The following SEC14L5 variants were observed in gnomAD, a reference collection of about 807,000 sequenced individuals.
SEC14L5 encodes SEC14 like lipid binding 5.
SEC14L5 carries 96 observed loss-of-function variants against 84.6 expected under a neutral mutation model. That is an observed-to-expected ratio of 1.13 (90% CI 0.96 to 1.34). SEC14L5 has a LOEUF of 1.34. Among genes scored for constraint, SEC14L5 ranks in the 40% most tolerant of loss-of-function variants. The pLI is 0.00. For missense variants in SEC14L5, 1,224 were observed against 942.5 expected (o/e 1.30, Z -3.91); for synonymous variants, 546 against 383.4 (o/e 1.42, Z -4.95).
intron 2 of SEC14L5, among the ~76,000 whole-genome samples, chr16:4,982,090 T>A (rs1479346548): frequency 6.6e-6 from 1 of 152,022 alleles, no homozygotes; most frequent in Non-Finnish European, 1.5e-5. Flanking sequence ...GCAACTGACA[T>A]GGAGATATGG....
chr16:4,960,642 T>C (rs1596609234), intron 2 of SEC14L5: 1 of 152,176 alleles, frequency 6.6e-6, no homozygotes, highest in Non-Finnish European at 1.5e-5. Flanking sequence ...AGCTCCCCAA[T>C]TGACGAGCTG....
At chr16:4,959,721 T>G (rs1054283241) in intron 2 of SEC14L5, among the ~76,000 whole-genome samples, 4 of 152,172 alleles carry the variant, frequency 2.6e-5, no homozygotes, top group African/African-American at 7.2e-5. Flanking sequence ...ATAAATGGAA[T>G]GGTGGTGATA....
rs1955866433 is a variant in SEC14L5 at position 5,015,526 on chromosome 16, G to A, written c.*556G>A. 6.5e-6 allele frequency: 1 copy of A among 154,446 alleles called. No homozygotes were observed. Among genetic ancestry groups the A allele is most frequent in the Non-Finnish European group, 1.4e-5 (1 of 69,322 alleles). The allele number at this position is 154,446 out of a possible 1,614,324, so 9.6% of individuals were successfully genotyped here. A position where few individuals can be genotyped will look rare whatever the true frequency, so the allele number is the denominator to read the frequency against. ...GGCCAGCAGGGTCATGCCCAATCTGGACCAATCACCGTGATCCAGGGTTGC... is the reference window on the plus strand; with the variant it reads ...GGCCAGCAGGGTCATGCCCAATCTGAACCAATCACCGTGATCCAGGGTTGC... On this transcript the variant is annotated 3_prime_UTR_variant, in exon 16 of 16. Coordinates refer to ENST00000251170, the MANE Select transcript of SEC14L5 (RefSeq NM_014692.2).
In SEC14L5 at chr16:4,978,802, C is replaced by T. The variant is rs184643328; in HGVS notation, c.64-8755C>T. Among the ~76,000 whole-genome samples, 5 of 152,220 alleles carry T rather than the reference C, an allele frequency of 3.3e-5. No homozygotes were observed. The East Asian group carries it at 7.8e-4, about 24-fold the overall frequency. On this transcript the variant is annotated intron_variant, in intron 2 of 15. Transcript: ENST00000251170. ...TATTTTTAGTAGAGACGGGTTTCAC[C>T]GCGTTAGCCAGGATGGTCTCGATCG...
At chr16:4,981,403 C>T (rs1026493871) in intron 2 of SEC14L5, among the ~76,000 whole-genome samples, 3 of 151,794 alleles carry the variant, frequency 2.0e-5, no homozygotes, top group Admixed American at 6.6e-5. Flanking sequence ...TGAGCCACCG[C>T]GCCTGGTCTC....
Position 4,996,348 on chromosome 16 carries a change from G to C in SEC14L5, c.668G>C (p.Gly223Ala). The C allele has an allele frequency of 2.6e-6, 4 of 1,545,434 alleles. No individual in the cohort carries two copies. The highest frequency in any genetic ancestry group is 3.5e-6 in the Non-Finnish European group (4 of 1,140,686). Residue 223 changes from glycine to alanine, a missense_variant and splice_region_variant, in exon 7 of 16, where the codon GGG becomes GCG. Physicochemically the swap from Gly to Ala is moderately conservative, Grantham distance 60. Transcript: ENST00000251170. ...GPALEAVSMD[G>A]DKLDADYIER... is the part of the protein sequence containing the mutation. ...CTGAAGCTCCCCCTTCTCCTCCAAG[G>C]GGACAAGCTGGATGCGGACTACATT...
chr16:5,015,080 C>A lies in SEC14L5; in HGVS notation c.*110C>A. The A allele has an allele frequency of 2.4e-6, 2 of 826,416 alleles. No homozygotes were observed. The highest frequency in any genetic ancestry group is 3.3e-5 in the South Asian group (2 of 60,602). The allele number at this position is 826,416 out of a possible 1,614,324, so 51.2% of individuals were successfully genotyped here. A position where few individuals can be genotyped will look rare whatever the true frequency, so the allele number is the denominator to read the frequency against. On this transcript the variant is annotated 3_prime_UTR_variant, in exon 16 of 16. Transcript: ENST00000251170. ...GGACCATGTGGGCTGGAGCCCCAGG[C>A]CTAGATGCTGCCCAAGTTGGGGTGT...
In SEC14L5 at chr16:4,959,385, C is replaced by T. The variant is rs199582094; in HGVS notation, c.62C>T (p.Ala21Val). The T allele has an allele frequency of 1.9e-5, 30 of 1,613,112 alleles. No homozygotes were observed. The East Asian group carries it at 2.2e-4, about 12-fold the overall frequency. The change falls in exon 2 of 16, where the codon GCG (alanine) becomes GTG (valine). Residue 21 changes from alanine (A) to valine (V), a missense_variant and splice_region_variant. Ala to Val is a moderately conservative substitution (Grantham distance 64). Transcript: ENST00000251170. ...VYKYPFELVM[A>V]AYEKRFPTCP... Reference sequence around the variant, plus strand: ...AAGTACCCGTTTGAGCTGGTCATGGCGGTGAGTGACTCCTGATTCTTGGGC... The same window carrying T: ...AAGTACCCGTTTGAGCTGGTCATGGTGGTGAGTGACTCCTGATTCTTGGGC...
At chr16:5,007,092 C>G (rs893618530) in intron 12 of SEC14L5, among the ~76,000 whole-genome samples, 1 of 152,176 alleles carries the variant, frequency 6.6e-6, no homozygotes. Context: ...CCCTGGCTCA[C>G]TCACTTTCTG....
At chr16:5,003,620 AT>A in intron 11 of SEC14L5, 47 bp downstream of exon 11, 1 of 147,424 alleles carries the variant, frequency 6.8e-6, no homozygotes, top group Non-Finnish European at 1.3e-5. Context: ...GGTGGGTGGG[AT>A]GGGAGGGGTT....
intron 10 of SEC14L5, 21 bp downstream of exon 10, chr16:5,000,946 C>T (rs200511127): frequency 3.0e-5 from 48 of 1,580,662 alleles, no homozygotes; most frequent in Non-Finnish European, 3.8e-5. Context: ...GGGCTGGGCA[C>T]AAATCCCCCC....
intron 2 of SEC14L5, among the ~76,000 whole-genome samples, chr16:4,963,317 A>C (rs943504566): frequency 6.6e-6 from 1 of 152,232 alleles, no homozygotes; most frequent in African/African-American, 2.4e-5. Flanking sequence ...TCTAAAGAGA[A>C]GGATTCTAGG....
rs80242938 is a variant in SEC14L5 at position 4,964,068 on chromosome 16, A to G, written c.63+4682A>G. 5.2e-3 allele frequency among the ~76,000 whole-genome samples: 797 copies of G among 152,304 alleles called. 32 individuals carry two copies. The East Asian group carries it at 0.095, about 18-fold the overall frequency. On this transcript the variant is annotated intron_variant, in intron 2 of 15. Coordinates refer to ENST00000251170, the MANE Select transcript of SEC14L5 (RefSeq NM_014692.2). ...TTATCTTGGTAAACAGAGAAAAACA[A>G]TTAAGACAATGGAGGCAGCTGGAGT...
In SEC14L5 at chr16:5,003,443, G is replaced by A. The variant is rs947380428; in HGVS notation, c.1172G>A (p.Arg391Gln). The change falls in exon 11 of 16, where the codon CGG (arginine) becomes CAG (glutamine). Residue 391 changes from arginine to glutamine, a missense_variant. Coordinates refer to ENST00000251170, the MANE Select transcript of SEC14L5 (RefSeq NM_014692.2). Reference sequence around the variant, plus strand: ...CTAGACCTGGAGGGACTCAACATGCGGCACCTGTGGCGGCCGGGGGTGAAG... The same window carrying A: ...CTAGACCTGGAGGGACTCAACATGCAGCACCTGTGGCGGCCGGGGGTGAAG... ...CLLDLEGLNM[R>Q]HLWRPGVKAL... 5.0e-6 allele frequency: 8 copies of A among 1,613,444 alleles called. No homozygotes were observed. The highest frequency in any genetic ancestry group is 5.1e-6 in the Non-Finnish European group (6 of 1,179,722).
At position 5,016,729 on chromosome 16, in the gene SEC14L5, A is replaced by G. The variant is rs1473250780; in HGVS notation, c.*1759A>G. The G allele has an allele frequency of 6.6e-6, 1 of 152,200 alleles. No individual in the cohort carries two copies. Among genetic ancestry groups the G allele is most frequent in the East Asian group, 1.9e-4 (1 of 5,192 alleles). The allele number at this position is 152,200 out of a possible 1,614,324, so 9.4% of individuals were successfully genotyped here. ...AGGCTCAGCAATGCAGGGCCAGGAA[A>G]CTTATATCTACGCCAGCCTCAACCC... is the stretch of plus-strand genomic sequence containing the variant. On this transcript the variant is annotated 3_prime_UTR_variant, in exon 16 of 16. Coordinates refer to ENST00000251170, the MANE Select transcript of SEC14L5 (RefSeq NM_014692.2).
rs766190957 is a variant in SEC14L5, at chr16:5,008,404, C to T, written c.1573-17C>T. ...TCTCTCGGCCGTGACTCTCAGACCT[C>T]GCCTGTCTCCACACAGGTGGCCGTG... is the stretch of plus-strand genomic sequence containing the variant. On this transcript the variant is annotated splice_polypyrimidine_tract_variant and intron_variant, in intron 13 of 15. Transcript: ENST00000251170. 1.3e-5 allele frequency: 20 copies of T among 1,585,152 alleles called. No individual in the cohort carries two copies. Among genetic ancestry groups the T allele is most frequent in the East Asian group, 6.8e-5 (3 of 44,332 alleles).
chr16:4,986,142 C>CTT (rs760379850), intron 2 of SEC14L5, among the ~76,000 whole-genome samples: 15 of 143,368 alleles, frequency 1.0e-4, no homozygotes, highest in South Asian at 2.2e-4. Flanking sequence ...TCTTCTTCTT[C>CTT]TTTTTTTTTT....
intron 15 of SEC14L5, among the ~76,000 whole-genome samples, chr16:5,013,387 T>C (rs1476991117): frequency 1.1e-5 from 1 of 94,244 alleles, no homozygotes; most frequent in Non-Finnish European, 2.7e-5. Flanking sequence ...AGGGGGTCTT[T>C]TTATTTATTT....
rs1198463991 is a variant in SEC14L5 at position 5,011,208 on chromosome 16, G to A, written c.1914G>A (p.Leu638=). 3 of 1,613,720 alleles carry A rather than the reference G, an allele frequency of 1.9e-6. No individual in the cohort carries two copies. Among genetic ancestry groups the A allele is most frequent in the Admixed American group, 3.3e-5 (2 of 59,988 alleles). Residue 638 remains leucine (L), a synonymous_variant, in exon 15 of 16, where the codon CTG becomes CTA. Coordinates refer to ENST00000251170, the MANE Select transcript of SEC14L5 (RefSeq NM_014692.2). ...LPGVDDVLTA[L]HSPGPKCKLL... Reference sequence around the variant, plus strand: ...GTGTGGACGATGTCCTGACGGCTCTGCACAGCCCCGGGCCCAAGTGCAAAC... The same window carrying A: ...GTGTGGACGATGTCCTGACGGCTCTACACAGCCCCGGGCCCAAGTGCAAAC...
Sources: gnomAD v4.1 joint callset for allele counts (sites outside exome capture counted in the v4.1 genomes callset) on GRCh38, gnomAD v4.1.1 for gene constraint, MANE v1.5 for transcripts, NCBI Gene and HGNC (gene_info 2026-07-23, HGNC 2026-07-21) for gene names.